The following FAR2 variants were observed in gnomAD, a reference collection of about 807,000 sequenced individuals.
The protein encoded by FAR2 is epididymis secretory protein Li 81.
In FAR2, 19 loss-of-function variants were observed where a neutral mutation model predicts 56.0. The ratio of observed to expected loss-of-function variants is 0.34; its 90% CI spans 0.24 to 0.50. The LOEUF (loss-of-function observed/expected upper bound fraction) is 0.50, where lower values mean the gene tolerates loss of function less well. FAR2 is among the 20% of genes least tolerant of loss of function. The pLI is 0.98. For missense variants in FAR2, 508 were observed against 642.2 expected, an observed-to-expected ratio of 0.79 and a Z score of 2.26; for synonymous variants, 219 against 218.8, an observed-to-expected ratio of 1.00 and a Z score of -0.01.
At chr12:29,181,684 A>G (rs1019077102) in intron 1 of FAR2, among the ~76,000 whole-genome samples, 2 of 152,248 alleles carry the variant, frequency 1.3e-5, no homozygotes, top group African/African-American at 2.4e-5. Flanking sequence ...ATCTAGGGTA[A>G]ATCTGCCCAT....
At chr12:29,285,471 C>G (rs900295994) in intron 2 of FAR2, among the ~76,000 whole-genome samples, 87 of 151,852 alleles carry the variant, frequency 5.7e-4, no homozygotes, top group African/African-American at 2.0e-3. Context: ...TTTCCTGTTA[C>G]TCAAGTCAGA....
Position 29,237,178 on chromosome 12 carries a change from G to A in FAR2, c.-38-33234G>A, listed in dbSNP as rs73079508. Among the ~76,000 whole-genome samples, 878 of 152,208 alleles carry A rather than the reference G, an allele frequency of 5.8e-3. 10 individuals are homozygous for A. Among genetic ancestry groups the A allele is most frequent in the Middle Eastern group, 0.034 (10 of 294 alleles). ...TTAAGTGCAAAGTGATTGGAATACT[G>A]CCCTCAAGTGATAGTTTAGATCAGC... On this transcript the variant is annotated intron_variant, in intron 1 of 11. Coordinates refer to ENST00000536681, the MANE Select transcript of FAR2 (RefSeq NM_001271783.2).
At chr12:29,228,162 G>T (rs931252170) in intron 1 of FAR2, among the ~76,000 whole-genome samples, 1 of 151,246 alleles carries the variant, frequency 6.6e-6, no homozygotes, top group Non-Finnish European at 1.5e-5. Context: ...AAAGAAGTAG[G>T]TTCTTCAAAC....
chr12:29,173,707 C>T (rs1006930405), intron 1 of FAR2, among the ~76,000 whole-genome samples: 5 of 152,026 alleles, frequency 3.3e-5, no homozygotes, highest in African/African-American at 9.7e-5. Context: ...TGAGTGTTTC[C>T]CACCTGAAAG....
chr12:29,165,489 A>G (rs1191713944), intron 1 of FAR2, among the ~76,000 whole-genome samples: 1 of 152,254 alleles, frequency 6.6e-6, no homozygotes, highest in East Asian at 1.9e-4. Context: ...TATAGTTATT[A>G]TTGAAAGCAT....
chr12:29,216,354 G>A (rs1454668565), intron 1 of FAR2, among the ~76,000 whole-genome samples: 1 of 152,132 alleles, frequency 6.6e-6, no homozygotes, highest in Non-Finnish European at 1.5e-5. Context: ...ATGTTACCAG[G>A]AATTTCCTCC....
chr12:29,329,964 T>C (rs556453766), intron 10 of FAR2, among the ~76,000 whole-genome samples: 1 of 151,926 alleles, frequency 6.6e-6, no homozygotes, highest in East Asian at 1.9e-4. Flanking sequence ...TTTCTGGTAG[T>C]AAAGTGAAAA....
chr12:29,311,666 TCACACA>T (rs61236613), intron 7 of FAR2, among the ~76,000 whole-genome samples: 1 of 147,426 alleles, frequency 6.8e-6, no homozygotes, highest in Non-Finnish European at 1.5e-5. Flanking sequence ...AACATCTCTT[TCACACA>T]CACACACACA....
At position 29,264,938 on chromosome 12, in the gene FAR2, T is replaced by TA. The variant is rs536086302; in HGVS notation, c.-38-5468dup. Among the ~76,000 whole-genome samples, 537 of 152,088 alleles carry TA rather than the reference T, an allele frequency of 3.5e-3. 2 individuals are homozygous for TA. Among genetic ancestry groups the TA allele is most frequent in the Non-Finnish European group, 4.9e-3 (332 of 67,978 alleles). On this transcript the variant is annotated intron_variant, in intron 1 of 11. Transcript: ENST00000536681. ...TAATCCCATTTACAGTAGCTACAAA[T>TA]AAAAAATTAAATACCTACAAATTAA...
intron 1 of FAR2, among the ~76,000 whole-genome samples, chr12:29,262,174 A>G (rs1331637181): frequency 6.6e-6 from 1 of 152,232 alleles, no homozygotes; most frequent in East Asian, 1.9e-4. Flanking sequence ...ATGAAGTTAA[A>G]GTGTAGAGTT....
chr12:29,299,762 C>T (rs551499722), intron 4 of FAR2, among the ~76,000 whole-genome samples: 2 of 151,718 alleles, frequency 1.3e-5, no homozygotes, highest in South Asian at 2.1e-4. Flanking sequence ...AGAAGTAAGG[C>T]CTTCCCTCCT....
intron 1 of FAR2, among the ~76,000 whole-genome samples, chr12:29,267,321 T>C (rs1948534373): frequency 6.6e-6 from 1 of 152,242 alleles, no homozygotes; most frequent in African/African-American, 2.4e-5. Context: ...GTCTATGCTA[T>C]AGGCAATGTA....
intron 3 of FAR2, among the ~76,000 whole-genome samples, chr12:29,296,672 T>C (rs1459020501): frequency 6.6e-6 from 1 of 152,212 alleles, no homozygotes. Flanking sequence ...ACTTCTTCAG[T>C]TAGATGCTTA....
chr12:29,285,675 C>T (rs1203679050), intron 2 of FAR2, among the ~76,000 whole-genome samples: 1 of 152,146 alleles, frequency 6.6e-6, no homozygotes, highest in Non-Finnish European at 1.5e-5. Flanking sequence ...AATCCCAGCA[C>T]TTTGGGAGGT....
intron 1 of FAR2, among the ~76,000 whole-genome samples, chr12:29,225,503 C>T (rs1039028753): frequency 6.6e-6 from 1 of 152,038 alleles, no homozygotes; most frequent in Non-Finnish European, 1.5e-5. Flanking sequence ...CAAGACAGTA[C>T]CAATTACATA....
chr12:29,248,384 T>G (rs908758290), intron 1 of FAR2, among the ~76,000 whole-genome samples: 18 of 152,208 alleles, frequency 1.2e-4, no homozygotes, highest in African/African-American at 4.3e-4. Context: ...ACATCACATG[T>G]CGGTAGGTTC....
At chr12:29,213,546 C>G (rs1485514760) in intron 1 of FAR2, among the ~76,000 whole-genome samples, 1 of 152,020 alleles carries the variant, frequency 6.6e-6, no homozygotes, top group Non-Finnish European at 1.5e-5. Context: ...AAAAATTAAC[C>G]GGGTGTAGTG....
intron 1 of FAR2, among the ~76,000 whole-genome samples, chr12:29,159,969 G>C (rs977311046): frequency 4.6e-5 from 7 of 152,158 alleles, no homozygotes; most frequent in African/African-American, 1.7e-4. Flanking sequence ...TCAGCTATCT[G>C]TCTTTATTTC....
chr12:29,164,271 A>G (rs571275768), intron 1 of FAR2, among the ~76,000 whole-genome samples: 1 of 152,300 alleles, frequency 6.6e-6, no homozygotes, highest in Admixed American at 6.5e-5. Context: ...CGAGGCCTTG[A>G]TGAGGCAGTT....
Sources: gnomAD v4.1 joint callset for allele counts (sites outside exome capture counted in the v4.1 genomes callset) on GRCh38, gnomAD v4.1.1 for gene constraint, MANE v1.5 for transcripts, NCBI Gene and HGNC (gene_info 2026-07-23, HGNC 2026-07-21) for gene names.